Variants in EPHA3 observed in about 807,000 individuals in gnomAD.
The protein encoded by EPHA3 is EPH receptor A3.
A neutral mutation model predicts 107.1 loss-of-function variants in EPHA3; 42 were observed. That is an observed-to-expected ratio of 0.39 (90% CI 0.31 to 0.51). EPHA3 has a LOEUF of 0.51. Ranked by LOEUF, EPHA3 falls within the 20% of genes least tolerant of loss-of-function variation. The pLI, the probability that EPHA3 is intolerant of heterozygous loss-of-function variation, is 0.78. For missense variants in EPHA3, 1,183 were observed against 1,211.2 expected, an observed-to-expected ratio of 0.98 and a Z score of 0.35; for synonymous variants, 461 against 424.8, an observed-to-expected ratio of 1.09 and a Z score of -1.05.
At chr3:89,473,909 T>C (rs1710456581) in intron 16 of EPHA3, among the ~76,000 whole-genome samples, 1 of 152,174 alleles carries the variant, frequency 6.6e-6, no homozygotes, top group South Asian at 2.1e-4. Context: ...TTGCATGGTC[T>C]ATTGGGAAAC....
intron 16 of EPHA3, among the ~76,000 whole-genome samples, chr3:89,472,991 AT>A (rs1175851896): frequency 6.6e-6 from 1 of 152,136 alleles, no homozygotes; most frequent in Admixed American, 6.5e-5. Context: ...TTTTTCTGTT[AT>A]TTTTACTAAA....
Position 89,363,346 on chromosome 3 carries a change from G to T in EPHA3, c.1306+21256G>T, listed in dbSNP as rs1471434535. On this transcript the variant is annotated intron_variant, in intron 5 of 16. Coordinates refer to ENST00000336596, the MANE Select transcript of EPHA3 (RefSeq NM_005233.6). The stretch of plus-strand genomic sequence containing the variant: ...ATAGGCTCATGTGATTGTGGAGGCT[G>T]CCAAATCCACAGACTGCAGGGTAAG... Among the ~76,000 whole-genome samples the T allele has an allele frequency of 4.6e-5, 7 of 150,654 alleles. 1 individual carries two copies. Among genetic ancestry groups the T allele is most frequent in the Non-Finnish European group, 8.9e-5 (6 of 67,262 alleles).
At chr3:89,377,665 A>G (rs956925871) in intron 5 of EPHA3, among the ~76,000 whole-genome samples, 1 of 152,040 alleles carries the variant, frequency 6.6e-6, no homozygotes, top group Non-Finnish European at 1.5e-5. Flanking sequence ...TTTCCTAGCT[A>G]GGTGCATTTT....
At chr3:89,460,645 T>G (rs1488068840) in intron 15 of EPHA3, among the ~76,000 whole-genome samples, 1 of 148,436 alleles carries the variant, frequency 6.7e-6, no homozygotes, top group Admixed American at 6.7e-5. Context: ...TTTTGACAAA[T>G]ACCATATCCT....
chr3:89,346,706 G>T (rs934499353), intron 5 of EPHA3, among the ~76,000 whole-genome samples: 1 of 150,680 alleles, frequency 6.6e-6, no homozygotes, highest in Non-Finnish European at 1.5e-5. Flanking sequence ...CCTATGTCCT[G>T]AATGGTATTG....
chr3:89,430,005 C>A (rs1321855837), intron 12 of EPHA3, among the ~76,000 whole-genome samples: 2 of 152,102 alleles, frequency 1.3e-5, no homozygotes, highest in Non-Finnish European at 2.9e-5. Flanking sequence ...CTCAGATGAT[C>A]CGCCCTCCTC....
intron 7 of EPHA3, among the ~76,000 whole-genome samples, chr3:89,406,507 A>C (rs1338497410): frequency 1.3e-5 from 2 of 152,226 alleles, no homozygotes; most frequent in African/African-American, 4.8e-5. Context: ...AAAATCAGTC[A>C]TAGACAATAT....
At chr3:89,447,278 TCTTCACCTGGTAG>T (rs1370572072) in intron 13 of EPHA3, among the ~76,000 whole-genome samples, 1 of 152,130 alleles carries the variant, frequency 6.6e-6, no homozygotes, top group Non-Finnish European at 1.5e-5. Flanking sequence ...TGTCAACTAT[TCTTCACCTGGTAG>T]CTTCTTAGGA....
At chr3:89,298,376 G>C (rs1331300925) in intron 3 of EPHA3, among the ~76,000 whole-genome samples, 1 of 152,080 alleles carries the variant, frequency 6.6e-6, no homozygotes, top group Non-Finnish European at 1.5e-5. Flanking sequence ...AGAATTTTCT[G>C]AGCTCTACTT....
chr3:89,399,279 A>T (rs1281680557), intron 6 of EPHA3, 39 bp from the exon 7 acceptor site: 2 of 1,569,722 alleles, frequency 1.3e-6, no homozygotes, highest in African/African-American at 2.7e-5. Context: ...CATTATGAAG[A>T]TTTGATTTTA....
At chr3:89,181,786 C>T (rs182543408) in intron 2 of EPHA3, among the ~76,000 whole-genome samples, 26 of 152,034 alleles carry the variant, frequency 1.7e-4, no homozygotes, top group South Asian at 1.0e-3. Flanking sequence ...CCCTAGGAGA[C>T]GATACAGATT....
At chr3:89,173,799 T>G (rs1296889763) in intron 2 of EPHA3, among the ~76,000 whole-genome samples, 1 of 151,950 alleles carries the variant, frequency 6.6e-6, no homozygotes, top group African/African-American at 2.4e-5. Flanking sequence ...GTGTTTAGTT[T>G]TAAGTTACAT....
chr3:89,127,996 A>G (rs1244049799), intron 2 of EPHA3, among the ~76,000 whole-genome samples: 1 of 152,128 alleles, frequency 6.6e-6, no homozygotes, highest in Non-Finnish European at 1.5e-5. Context: ...TTTTCCCTAC[A>G]CAATTGTGTA....
At chr3:89,157,799 T>A (rs1704839699) in intron 2 of EPHA3, among the ~76,000 whole-genome samples, 1 of 149,820 alleles carries the variant, frequency 6.7e-6, no homozygotes, top group African/African-American at 2.5e-5. Context: ...GGCAGTAGGG[T>A]AGATAGAAAA....
At chr3:89,448,287 A>G (rs1709918522) in intron 13 of EPHA3, among the ~76,000 whole-genome samples, 1 of 152,170 alleles carries the variant, frequency 6.6e-6, no homozygotes, top group African/African-American at 2.4e-5. Flanking sequence ...ATTTATATGC[A>G]TTATAAAGTT....
At chr3:89,189,578 C>T (rs1466003881) in intron 2 of EPHA3, among the ~76,000 whole-genome samples, 1 of 152,132 alleles carries the variant, frequency 6.6e-6, no homozygotes, top group Non-Finnish European at 1.5e-5. Context: ...GGTGACAGAG[C>T]AAGACTTCGT....
chr3:89,358,047 T>A (rs192273891), intron 5 of EPHA3, among the ~76,000 whole-genome samples: 1 of 151,418 alleles, frequency 6.6e-6, no homozygotes, highest in East Asian at 1.9e-4. Context: ...TGTGCGTGTG[T>A]ATATATGTAC....
At chr3:89,258,333 T>C (rs1405825933) in intron 3 of EPHA3, among the ~76,000 whole-genome samples, 1 of 152,186 alleles carries the variant, frequency 6.6e-6, no homozygotes, top group Non-Finnish European at 1.5e-5. Flanking sequence ...ATTTAAAATT[T>C]TTAAAGAATA....
At position 89,201,376 on chromosome 3, in the gene EPHA3, A is replaced by AGAAT. The variant is rs200545939; in HGVS notation, c.154-8467_154-8464dup. ...GGACACAGAGCCAACGGTTAGAAAA[A>AGAAT]GAATGAATGAATGAATGAATAAATG... is the stretch of plus-strand genomic sequence containing the variant. On this transcript the variant is annotated intron_variant, in intron 2 of 16. Transcript: ENST00000336596. 5.8e-4 allele frequency among the ~76,000 whole-genome samples: 88 copies of AGAAT among 152,336 alleles called. No homozygotes were observed. In the East Asian group the frequency reaches 0.01, roughly 17 times the overall value.
Sources: allele counts gnomAD v4.1 joint callset (sites outside exome capture counted in the v4.1 genomes callset), GRCh38; gene constraint gnomAD v4.1.1; transcripts MANE v1.5; gene names NCBI Gene and HGNC (gene_info 2026-07-23, HGNC 2026-07-21).